The following RUNX1T1 variants were observed in gnomAD, a reference collection of about 807,000 sequenced individuals.
RUNX1T1 encodes the protein protein CBFA2T1.
RUNX1T1 carries 4 observed loss-of-function variants against 62.8 expected under a neutral mutation model. The ratio of observed to expected loss-of-function variants is 0.06; its 90% CI spans 0.03 to 0.15. The LOEUF (loss-of-function observed/expected upper bound fraction) is 0.15, where lower values mean the gene tolerates loss of function less well. RUNX1T1 is among the 10% of genes least tolerant of loss of function. RUNX1T1 has a pLI of 1.00. For missense variants in RUNX1T1, 508 were observed against 754.3 expected (o/e 0.67, Z 3.82); for synonymous variants, 291 against 286.0 (o/e 1.02, Z -0.18).
In RUNX1T1 at chr8:92,060,553, A is replaced by ATGTGTGTGTGTG. The variant is rs1271953758; in HGVS notation, c.7+1981_7+1992dup. Among the ~76,000 whole-genome samples the ATGTGTGTGTGTG allele has an allele frequency of 1.2e-3, 76 of 63,842 alleles. 1 individual carries two copies. Among genetic ancestry groups the ATGTGTGTGTGTG allele is most frequent in the Non-Finnish European group, 1.7e-3 (51 of 30,686 alleles). The allele number at this position is 63,842 out of a possible 152,430, so 41.9% of individuals were successfully genotyped here. A position where few individuals can be genotyped will look rare whatever the true frequency, so the allele number is the denominator to read the frequency against. ...TATATATATATATATATATATATAT[A>ATGTGTGTGTGTG]TGTGTGTGTGTGTGTGTGTGTGTGT... On this transcript the variant is annotated intron_variant, in intron 1 of 10. Coordinates refer to ENST00000396218, the Ensembl canonical transcript of RUNX1T1.
In RUNX1T1 at chr8:91,960,036, C is replaced by T. The variant is rs1810083762; in HGVS notation, c.*206G>A. On this transcript the variant is annotated 3_prime_UTR_variant, in exon 11 of 11. Transcript: ENST00000396218. Reference sequence around the variant, plus strand: ...AAAGAAAAGATATCTTTGTTATCCACAATAAGTCATTACGACCCGTTACTG... The same window carrying T: ...AAAGAAAAGATATCTTTGTTATCCATAATAAGTCATTACGACCCGTTACTG... The T allele has an allele frequency of 7.2e-5, 43 of 597,032 alleles. 1 individual carries two copies. In the South Asian group the frequency reaches 8.2e-4, roughly 11 times the overall value. 37.0% of individuals were successfully genotyped at this position (597,032 alleles called of 1,614,324 possible).
intron 1 of RUNX1T1, among the ~76,000 whole-genome samples, chr8:92,092,252 T>C (rs2130910867): frequency 6.6e-6 from 1 of 152,330 alleles, no homozygotes; most frequent in East Asian, 1.9e-4. Flanking sequence ...TAAGACATCT[T>C]AAGAGTTTCC....
chr8:92,037,728 G>A (rs781110519), intron 1 of RUNX1T1, among the ~76,000 whole-genome samples: 2 of 152,166 alleles, frequency 1.3e-5, no homozygotes, highest in African/African-American at 2.4e-5. Flanking sequence ...AAAAGCAGAG[G>A]AGTATAATCT....
At chr8:92,097,593 T>C (rs1166757180) in intron 1 of RUNX1T1, among the ~76,000 whole-genome samples, 1 of 152,186 alleles carries the variant, frequency 6.6e-6, no homozygotes, top group East Asian at 1.9e-4. Context: ...TTCCATTACA[T>C]GCTCTTTTAA....
intron 1 of RUNX1T1, among the ~76,000 whole-genome samples, chr8:92,031,683 T>A (rs1456230952): frequency 6.6e-6 from 1 of 152,078 alleles, no homozygotes; most frequent in Non-Finnish European, 1.5e-5. Context: ...TTGCCCAGGC[T>A]GCTCTCAAAC....
downstream of RUNX1T1, chr8:91,955,142 T>TA (rs1464806016): frequency 5.6e-5 from 12 of 215,664 alleles, no homozygotes; most frequent in Non-Finnish European, 7.5e-5. Flanking sequence ...TCAACACTTC[T>TA]AAAAAAATGG....
chr8:92,064,346 C>T (rs565823451), upstream of RUNX1T1, among the ~76,000 whole-genome samples: 1 of 152,286 alleles, frequency 6.6e-6, no homozygotes, highest in South Asian at 2.1e-4. Context: ...TCTGTTCTGT[C>T]ACTAATAGTA....
At chr8:91,959,724 G>A (rs945126503) in exon 11 of RUNX1T1, 8 of 228,882 alleles carry the variant, frequency 3.5e-5, no homozygotes, top group Non-Finnish European at 5.2e-5. Context: ...AGCAACCCAC[G>A]GACGCCATTC....
At chr8:91,974,106 C>T (rs1481225861) in intron 9 of RUNX1T1, among the ~76,000 whole-genome samples, 2 of 151,934 alleles carry the variant, frequency 1.3e-5, no homozygotes, top group Non-Finnish European at 2.9e-5. Context: ...CTAAATTACA[C>T]CCAGAATTAG....
At chr8:92,036,611 G>T (rs1827462608) in intron 1 of RUNX1T1, among the ~76,000 whole-genome samples, 1 of 152,142 alleles carries the variant, frequency 6.6e-6, no homozygotes, top group African/African-American at 2.4e-5. Flanking sequence ...AGGAGAACTT[G>T]CCAGGATGCC....
At chr8:92,092,491 C>A (rs1194896005) in intron 1 of RUNX1T1, among the ~76,000 whole-genome samples, 2 of 152,086 alleles carry the variant, frequency 1.3e-5, no homozygotes, top group African/African-American at 4.8e-5. Flanking sequence ...TAAAATATCC[C>A]TGATTAGTTT....
intron 2 of RUNX1T1, among the ~76,000 whole-genome samples, chr8:92,015,076 G>C (rs1170608651): frequency 6.6e-6 from 1 of 152,092 alleles, no homozygotes; most frequent in East Asian, 1.9e-4. Flanking sequence ...GCAACCCAGG[G>C]CCAGCCCTGC....
chr8:91,961,363 T>A (rs1810410577), intron 10 of RUNX1T1, among the ~76,000 whole-genome samples: 1 of 152,246 alleles, frequency 6.6e-6, no homozygotes, highest in Non-Finnish European at 1.5e-5. Context: ...ACGGAGCTGC[T>A]CTGCTGCTCC....
chr8:91,965,023 A>G (rs1400873006), intron 10 of RUNX1T1, among the ~76,000 whole-genome samples: 1 of 152,220 alleles, frequency 6.6e-6, no homozygotes, highest in Admixed American at 6.5e-5. Flanking sequence ...TGATGTTCAT[A>G]GGTCCTGAAT....
At chr8:92,095,249 G>A in intron 1 of RUNX1T1, 2 of 1,523,184 alleles carry the variant, frequency 1.3e-6, no homozygotes, top group Non-Finnish European at 1.8e-6. Context: ...TGGAAAGGGA[G>A]AGAGGGAGAG....
At chr8:92,060,547 ATATATATGTGTG>A (rs1186983398) in intron 1 of RUNX1T1, among the ~76,000 whole-genome samples, 6 of 102,792 alleles carry the variant, frequency 5.8e-5, no homozygotes, top group Non-Finnish European at 8.7e-5. Context: ...ATATATATAT[ATATATATGTGTG>A]TGTGTGTGTG....
intron 5 of RUNX1T1, among the ~76,000 whole-genome samples, chr8:92,000,941 G>T (rs1425511643): frequency 1.3e-5 from 2 of 152,182 alleles, no homozygotes; most frequent in African/African-American, 4.8e-5. Flanking sequence ...GCAACTGGAA[G>T]ATTTCAAGTA....
At chr8:92,062,467 A>T in intron 1 of RUNX1T1, 1 of 1,460,914 alleles carries the variant, frequency 6.8e-7, no homozygotes, top group Non-Finnish European at 9.6e-7. Context: ...TGTGGGGCAG[A>T]AGGTATTTTC....
downstream of RUNX1T1, chr8:91,958,472 T>TA (rs1303608531): frequency 1.0e-5 from 2 of 192,444 alleles, no homozygotes; most frequent in African/African-American, 2.3e-5. Context: ...TCAGCAGTGT[T>TA]AAAGCTGTCA....
Sources: allele counts gnomAD v4.1 joint callset (sites outside exome capture counted in the v4.1 genomes callset), GRCh38; gene constraint gnomAD v4.1.1; transcripts MANE v1.5; gene names NCBI Gene and HGNC (gene_info 2026-07-23, HGNC 2026-07-21).